LARGE1: variants seen among roughly 807,000 people sequenced by gnomAD.
LARGE1 encodes xylosyl- and glucuronyltransferase LARGE1.
Under a neutral mutation model 87.6 loss-of-function variants are expected in LARGE1, and 43 were observed. That is an observed-to-expected ratio of 0.49 (90% CI 0.38 to 0.63). The LOEUF (loss-of-function observed/expected upper bound fraction) is 0.63. Ranked by LOEUF, LARGE1 falls within the 30% of genes least tolerant of loss-of-function variation. LARGE1 has a pLI of 0.00. For synonymous variants in LARGE1, 434 were observed against 394.6 expected (o/e 1.10, Z -1.18); for missense variants, 802 against 1,000.2 (o/e 0.80, Z 2.67).
chr22:33,862,718 T>G (rs1321381686), intron 1 of LARGE1, among the ~76,000 whole-genome samples: 2 of 152,156 alleles, frequency 1.3e-5, no homozygotes, highest in Non-Finnish European at 2.9e-5. Flanking sequence ...GACGTTCGTT[T>G]GTGGGCTTGG....
chr22:33,692,984 A>G (rs1475675968), intron 2 of LARGE1, among the ~76,000 whole-genome samples: 1 of 152,182 alleles, frequency 6.6e-6, no homozygotes, highest in African/African-American at 2.4e-5. Flanking sequence ...TAGCAAAGAC[A>G]TGGGACCAAC....
At chr22:33,212,045 A>G (rs961566520) in intron 11 of LARGE1, among the ~76,000 whole-genome samples, 2 of 152,208 alleles carry the variant, frequency 1.3e-5, no homozygotes, top group Admixed American at 6.5e-5. Flanking sequence ...CCATAACACC[A>G]AAAGTGCAAG....
downstream of LARGE1, among the ~76,000 whole-genome samples, chr22:33,272,458 T>C (rs1316374584): frequency 6.6e-6 from 1 of 152,136 alleles, no homozygotes; most frequent in East Asian, 1.9e-4. Flanking sequence ...CTTGTGAGCA[T>C]GTAGAAGCTG....
intron 5 of LARGE1, among the ~76,000 whole-genome samples, chr22:33,587,370 T>C (rs896220667): frequency 3.9e-5 from 6 of 152,236 alleles, no homozygotes; most frequent in Non-Finnish European, 1.5e-5. Flanking sequence ...TATTCTGATG[T>C]TGACTTACAA....
intron 2 of LARGE1, among the ~76,000 whole-genome samples, chr22:33,697,103 C>G (rs182330484): frequency 1.3e-5 from 2 of 152,184 alleles, no homozygotes; most frequent in East Asian, 3.9e-4. Context: ...AAAATGAATG[C>G]CAGGAGGTAG....
At chr22:33,747,953 T>G (rs1238695324) in intron 2 of LARGE1, 1 of 137,180 alleles carries the variant, frequency 7.3e-6, no homozygotes, top group Non-Finnish European at 1.5e-5. Context: ...GGTTCCCAGC[T>G]GGGACACCAC....
intron 11 of LARGE1, among the ~76,000 whole-genome samples, chr22:33,256,107 C>G (rs144277718): frequency 6.6e-6 from 1 of 152,292 alleles, no homozygotes; most frequent in African/African-American, 2.4e-5. Context: ...AGGGAACTGT[C>G]AGCAAGACAA....
intron 6 of LARGE1, among the ~76,000 whole-genome samples, chr22:33,524,422 T>C (rs903235590): frequency 6.6e-6 from 1 of 152,178 alleles, no homozygotes; most frequent in Non-Finnish European, 1.5e-5. Context: ...CTTGTCATCT[T>C]ATAAAATCTT....
At chr22:33,390,630 ATAGG>A (rs2065482958) in intron 7 of LARGE1, among the ~76,000 whole-genome samples, 3 of 151,442 alleles carry the variant, frequency 2.0e-5, no homozygotes, top group Non-Finnish European at 4.4e-5. Flanking sequence ...CAGCTGGGCC[ATAGG>A]CAAGCTGCTC....
intron 1 of LARGE1, among the ~76,000 whole-genome samples, chr22:33,839,932 G>T (rs2063226360): frequency 6.6e-6 from 1 of 152,146 alleles, no homozygotes; most frequent in Non-Finnish European, 1.5e-5. Flanking sequence ...TTCAAACCCA[G>T]ATGCATTCAA....
intron 7 of LARGE1, among the ~76,000 whole-genome samples, chr22:33,419,199 C>G (rs1945140054): frequency 6.6e-6 from 1 of 152,014 alleles, no homozygotes; most frequent in South Asian, 2.1e-4. Flanking sequence ...AACCTCAGAT[C>G]TCAGGAGAAC....
At chr22:33,392,845 A>G (rs1338916472) in intron 7 of LARGE1, among the ~76,000 whole-genome samples, 1 of 152,206 alleles carries the variant, frequency 6.6e-6, no homozygotes, top group Non-Finnish European at 1.5e-5. Flanking sequence ...TGATTATTCA[A>G]ATAATCTTCA....
chr22:33,194,951 T>C (rs1212269501), intron 11 of LARGE1, among the ~76,000 whole-genome samples: 1 of 152,200 alleles, frequency 6.6e-6, no homozygotes, highest in East Asian at 1.9e-4. Flanking sequence ...ATTGCTCCGA[T>C]ATTTTAACTA....
At chr22:33,765,895 T>C (rs1258346656) in intron 1 of LARGE1, among the ~76,000 whole-genome samples, 1 of 152,106 alleles carries the variant, frequency 6.6e-6, no homozygotes, top group African/African-American at 2.4e-5. Flanking sequence ...CACATACAAT[T>C]TGTAGAAAGT....
chr22:33,509,599 TGCC>T (rs2070951660), intron 6 of LARGE1, among the ~76,000 whole-genome samples: 1 of 152,042 alleles, frequency 6.6e-6, no homozygotes, highest in Admixed American at 6.6e-5. Context: ...TACAGGTGCA[TGCC>T]ACCATACCCA....
intron 1 of LARGE1, among the ~76,000 whole-genome samples, chr22:33,831,265 G>A (rs2062958860): frequency 6.6e-6 from 1 of 151,894 alleles, no homozygotes; most frequent in Admixed American, 6.6e-5. Context: ...AGATTCTAAG[G>A]GTTCACAGGC....
intron 6 of LARGE1, among the ~76,000 whole-genome samples, chr22:33,526,573 A>G (rs372921903): frequency 3.3e-5 from 5 of 152,238 alleles, no homozygotes; most frequent in African/African-American, 1.2e-4. Context: ...AGATTCAGAG[A>G]GTGCAGTATC....
intron 12 of LARGE1, among the ~76,000 whole-genome samples, chr22:33,302,382 C>A (rs1934267494): frequency 2.0e-5 from 3 of 152,280 alleles, no homozygotes; most frequent in Admixed American, 2.0e-4. Flanking sequence ...GGGTCGCTGA[C>A]CCTACTGTTT....
chr22:33,120,364 T>TTC, the LARGE1 span, among the ~76,000 whole-genome samples: 47 of 98,784 alleles, frequency 4.8e-4, no homozygotes, highest in South Asian at 7.8e-4. Flanking sequence ...TTCTTTTTCT[T>TTC]TCTTTCTTTC....
Sources: gnomAD v4.1 joint callset for allele counts (sites outside exome capture counted in the v4.1 genomes callset) on GRCh38, gnomAD v4.1.1 for gene constraint, MANE v1.5 for transcripts, NCBI Gene and HGNC (gene_info 2026-07-23, HGNC 2026-07-21) for gene names.